The following MTOR variants were observed in gnomAD, a reference collection of about 807,000 sequenced individuals.
The protein encoded by MTOR is mechanistic target of rapamycin kinase, also known as serine/threonine-protein kinase mTOR.
A neutral mutation model predicts 319.8 loss-of-function variants in MTOR; 70 were observed. The observed-to-expected ratio is 0.22, with a 90% CI of 0.18 to 0.27. MTOR has a LOEUF of 0.27. Ranked by LOEUF, MTOR falls within the 10% of genes least tolerant of loss-of-function variation. The pLI, the probability that MTOR is intolerant of heterozygous loss-of-function variation, is 1.00. For synonymous variants in MTOR, 1,183 were observed against 1,211.4 expected (o/e 0.98, Z 0.49); for missense variants, 1,890 against 3,274.4 (o/e 0.58, Z 10.32).
At chr1:11,110,660 T>C (rs1051716187) in intron 54 of MTOR, among the ~76,000 whole-genome samples, 2 of 152,134 alleles carry the variant, frequency 1.3e-5, no homozygotes, top group African/African-American at 4.8e-5. Context: ...CCTCCCAAAG[T>C]ACTGGGATTA....
At chr1:11,122,161 TAA>T in intron 47 of MTOR, 35 bp from the exon 48 acceptor site, 1 of 1,613,238 alleles carries the variant, frequency 6.2e-7, no homozygotes, top group Non-Finnish European at 8.5e-7. Flanking sequence ...TAGTGTACCG[TAA>T]AGAGAGTATA....
rs1484005957 is a variant in MTOR, at chr1:11,114,308, T to G, written c.7300+10A>C. 1.2e-5 allele frequency: 20 copies of G among 1,613,514 alleles called. No homozygotes were observed. The highest frequency in any genetic ancestry group is 1.7e-5 in the Non-Finnish European group (20 of 1,179,926). ...CTGAGCTCAGCTCCCAGGCACTTGA[T>G]GATACTCACTGTCCATCAGCCTCCA... On this transcript the variant is annotated intron_variant, in intron 53 of 57. Transcript: ENST00000361445.
At chr1:11,227,524 G>C (rs1437456310) in intron 19 of MTOR, among the ~76,000 whole-genome samples, 1 of 152,084 alleles carries the variant, frequency 6.6e-6, no homozygotes, top group Non-Finnish European at 1.5e-5. Context: ...TACACCCTTA[G>C]TAGAGTGTAT....
In MTOR at chr1:11,247,979, A is replaced by C; in HGVS notation, c.956T>G (p.Phe319Cys). The change falls in exon 7 of 58, where the codon TTC (phenylalanine) becomes TGC (cysteine). Residue 319 changes from phenylalanine (F) to cysteine (C), a missense_variant. This residue lies in a region of MTOR where 418 missense variants were observed against 543.1 expected (regional missense o/e 0.77). Coordinates refer to ENST00000361445, the MANE Select transcript of MTOR (RefSeq NM_004958.4). ...TGACTGCTGGGGCTGTACAGCCTGGAAACTGGTGAAGGGGGTAATGTGACG... is the reference window on the plus strand; with the variant it reads ...TGACTGCTGGGGCTGTACAGCCTGGCAACTGGTGAAGGGGGTAATGTGACG... ...KPRHITPFTS[F>C]QAVQPQQSNA... The C allele has an allele frequency of 1.2e-6, 2 of 1,614,150 alleles. No individual in the cohort carries two copies. Among genetic ancestry groups the C allele is most frequent in the Non-Finnish European group, 1.7e-6 (2 of 1,180,018 alleles).
Position 11,128,541 on chromosome 1 carries a change from C to T in MTOR, c.5823G>A (p.Gln1941=). 6.2e-7 allele frequency: 1 copy of T among 1,614,182 alleles called. No homozygotes were observed. Among genetic ancestry groups the T allele is most frequent in the Non-Finnish European group, 8.5e-7 (1 of 1,180,006 alleles). ...QIDTWLQVIP[Q]LIARIDTPRP... ...TGGGCGTATCAATTCTTGCAATGAGCTGAGGTATAACCTGGTATTCAAAAA... is the reference window on the plus strand; with the variant it reads ...TGGGCGTATCAATTCTTGCAATGAGTTGAGGTATAACCTGGTATTCAAAAA... The change falls in exon 42 of 58, where the codon CAG becomes CAA. Residue 1941 remains glutamine (Q), a synonymous_variant. Coordinates refer to ENST00000361445, the MANE Select transcript of MTOR (RefSeq NM_004958.4). This position sits in a 1 kb window ranked among gnomAD's most constrained non-coding sequence, Gnocchi z 5.3.
At chr1:11,250,414 A>G (rs1222330340) in intron 6 of MTOR, among the ~76,000 whole-genome samples, 1 of 152,186 alleles carries the variant, frequency 6.6e-6, no homozygotes, top group Non-Finnish European at 1.5e-5. Flanking sequence ...CTTAGTCCTC[A>G]TCTTATTTGA....
chr1:11,249,901 G>C (rs1165287710), intron 6 of MTOR, among the ~76,000 whole-genome samples: 2 of 151,340 alleles, frequency 1.3e-5, no homozygotes, highest in Non-Finnish European at 1.5e-5. Context: ...AACCGCCACT[G>C]TCATCATGGC....
Position 11,129,311 on chromosome 1 carries a change from A to G in MTOR, c.5715-360T>C, listed in dbSNP as rs1047721119. ...GGACACCTGGCTCTTAGCTGGCTGG[A>G]GATCCTCAAATGAAGGAGGATGTGG... On this transcript the variant is annotated intron_variant, in intron 40 of 57. Transcript: ENST00000361445. This position sits in a 1 kb window ranked among gnomAD's most constrained non-coding sequence, Gnocchi z 4.7. 6.6e-6 allele frequency among the ~76,000 whole-genome samples: 1 copy of G among 152,238 alleles called. No individual in the cohort carries two copies. The highest frequency in any genetic ancestry group is 1.5e-5 in the Non-Finnish European group (1 of 68,044).
intron 38 of MTOR, chr1:11,131,429 A>G (rs1394085347): frequency 6.6e-6 from 1 of 152,610 alleles, no homozygotes; most frequent in African/African-American, 2.4e-5. Flanking sequence ...TTTAGGGGAG[A>G]GCAGAAATGG....
intron 24 of MTOR, among the ~76,000 whole-genome samples, chr1:11,210,403 G>C (rs1380883352): frequency 2.0e-5 from 3 of 152,176 alleles, no homozygotes; most frequent in African/African-American, 7.2e-5. Flanking sequence ...ACCTGCCTTG[G>C]CCTCCCAAGG....
chr1:11,160,670 G>T (rs1254650511), intron 29 of MTOR, among the ~76,000 whole-genome samples: 1 of 152,218 alleles, frequency 6.6e-6, no homozygotes, highest in Non-Finnish European at 1.5e-5. Context: ...TAGCATTGTT[G>T]TGAGGACCAA....
intron 46 of MTOR, among the ~76,000 whole-genome samples, chr1:11,125,317 G>A (rs1164240579): frequency 6.6e-6 from 1 of 152,174 alleles, no homozygotes; most frequent in Non-Finnish European, 1.5e-5. Context: ...CCAAGAACCA[G>A]CCTGACCCAC....
Position 11,232,451 on chromosome 1 carries a change from C to T in MTOR, c.2499G>A (p.Leu833=). The change falls in exon 16 of 58, where the codon TTG becomes TTA. Residue 833 remains leucine, a synonymous_variant. Transcript: ENST00000361445. The stretch of plus-strand genomic sequence containing the variant: ...TAATACTCACCTGCCTTTTGGCCAA[C>T]AAAGAGGAATCCTGGAGCATGTCCA... The part of the protein sequence containing the change: ...IIMDMLQDSS[L]LAKRQVALWT... 2 of 1,613,836 alleles carry T rather than the reference C, an allele frequency of 1.2e-6. No homozygotes were observed. Among genetic ancestry groups the T allele is most frequent in the Non-Finnish European group, 1.7e-6 (2 of 1,179,810 alleles).
At chr1:11,165,057 C>CT (rs1299900945) in intron 29 of MTOR, among the ~76,000 whole-genome samples, 2 of 152,172 alleles carry the variant, frequency 1.3e-5, no homozygotes, top group Non-Finnish European at 2.9e-5. Flanking sequence ...GCGCTTCATG[C>CT]TAAAAACTCT....
In MTOR at chr1:11,114,874, C is replaced by T. The variant is rs1642080233; in HGVS notation, c.7103G>A (p.Arg2368Gln). The T allele has an allele frequency of 6.2e-7, 1 of 1,614,004 alleles. No homozygotes were observed. The highest frequency in any genetic ancestry group is 8.5e-7 in the Non-Finnish European group (1 of 1,179,940). Residue 2368 changes from arginine to glutamine, a missense_variant, in exon 52 of 58, where the codon CGA (arginine) becomes CAA (glutamine). Coordinates refer to ENST00000361445, the MANE Select transcript of MTOR (RefSeq NM_004958.4). ...FGDCFEVAMT[R>Q]EKFPEKIPFR... The stretch of plus-strand genomic sequence containing the variant: ...TGGAATCTTCTCTGGAAACTTCTCT[C>T]GGGTCATAGCAACCTACAGAATAAT...
intron 30 of MTOR, among the ~76,000 whole-genome samples, chr1:11,153,247 T>C (rs1257190451): frequency 6.6e-6 from 1 of 151,882 alleles, no homozygotes; most frequent in Non-Finnish European, 1.5e-5. Context: ...ATTTCAAAAG[T>C]AGAAAAAGAG....
intron 28 of MTOR, among the ~76,000 whole-genome samples, chr1:11,168,211 C>CA (rs1283668210): frequency 3.2e-4 from 45 of 142,376 alleles, no homozygotes; most frequent in African/African-American, 1.2e-3. Flanking sequence ...CTCCTCTGAA[C>CA]TTTTTTTTTT....
chr1:11,115,052 GAC>G lies in MTOR; in HGVS notation c.7090-167_7090-166del, dbSNP rs1483431023. Among the ~76,000 whole-genome samples the G allele has an allele frequency of 1.7e-4, 25 of 150,178 alleles. No individual in the cohort carries two copies. The highest frequency in any genetic ancestry group is 1.6e-3 in the Admixed American group (24 of 15,044). On this transcript the variant is annotated intron_variant, in intron 51 of 57. Transcript: ENST00000361445. This position sits in a 1 kb window ranked among gnomAD's most constrained non-coding sequence, Gnocchi z 4.5. ...GAGGACTTGTCACAGGGATTTGAAA[GAC>G]AACTTAAAAAAAAAAAGAAACGAAC...
At chr1:11,250,217 C>T (rs1468825734) in intron 6 of MTOR, among the ~76,000 whole-genome samples, 2 of 78,578 alleles carry the variant, frequency 2.5e-5, no homozygotes, top group African/African-American at 6.4e-5. Flanking sequence ...GCTGGCCGGG[C>T]GGGGGGCTGA....
Sources: gnomAD v4.1 joint callset for allele counts (sites outside exome capture counted in the v4.1 genomes callset) on GRCh38, gnomAD v4.1.1 for gene constraint, gnomAD v4.1.1 regional missense constraint, Gnocchi (gnomAD v3.1) non-coding constraint, MANE v1.5 for transcripts, NCBI Gene and HGNC (gene_info 2026-07-23, HGNC 2026-07-21) for gene names.